The following RSU1 variants were observed in gnomAD, a reference collection of about 807,000 sequenced individuals.
The protein encoded by RSU1 is Ras suppressor protein 1.
RSU1 carries 26 observed loss-of-function variants against 31.1 expected under a neutral mutation model. The ratio of observed to expected loss-of-function variants is 0.84; its 90% CI spans 0.61 to 1.16. The LOEUF (loss-of-function observed/expected upper bound fraction) is 1.16, where lower values mean the gene tolerates loss of function less well. Ranked by LOEUF, RSU1 falls within the 50% of genes most tolerant of loss-of-function variation. The pLI is 0.00. For synonymous variants in RSU1, 164 were observed against 136.3 expected (o/e 1.20, Z -1.41); for missense variants, 320 against 339.1 (o/e 0.94, Z 0.44).
At chr10:16,793,877 T>C (rs1242613701) in intron 2 of RSU1, among the ~76,000 whole-genome samples, 1 of 150,992 alleles carries the variant, frequency 6.6e-6, no homozygotes, top group Non-Finnish European at 1.5e-5. Context: ...GCTGGTAAAA[T>C]GTTCTTTTCC....
chr10:16,733,664 G>T (rs10795424), intron 7 of RSU1, among the ~76,000 whole-genome samples: 65,467 of 152,026 alleles, frequency 0.43, 14,626 homozygotes, highest in East Asian at 0.68. Context: ...CTATAACACG[G>T]ACCCAAAAAT....
intron 2 of RSU1, among the ~76,000 whole-genome samples, chr10:16,807,625 G>A (rs1307487396): frequency 6.6e-6 from 1 of 152,184 alleles, no homozygotes; most frequent in East Asian, 1.9e-4. Context: ...TGCTTCTTAT[G>A]TTTTCTTCAA....
At chr10:16,776,071 A>G (rs1287317843) in intron 3 of RSU1, among the ~76,000 whole-genome samples, 2 of 152,240 alleles carry the variant, frequency 1.3e-5, no homozygotes, top group African/African-American at 2.4e-5. Flanking sequence ...GAAGGAGGGA[A>G]TAACTACAGA....
chr10:16,635,106 C>A (rs2063425790), intron 8 of RSU1, among the ~76,000 whole-genome samples: 1 of 152,204 alleles, frequency 6.6e-6, no homozygotes, highest in South Asian at 2.1e-4. Flanking sequence ...TAACAGCCTC[C>A]TACTGGAAAT....
intron 2 of RSU1, among the ~76,000 whole-genome samples, chr10:16,813,903 C>T (rs1002313364): frequency 1.3e-5 from 2 of 152,260 alleles, no homozygotes; most frequent in Non-Finnish European, 1.5e-5. Context: ...GGAAGGGCTG[C>T]GTTAGAAGAT....
At chr10:16,696,582 A>G (rs1236526687) in intron 7 of RSU1, among the ~76,000 whole-genome samples, 1 of 152,244 alleles carries the variant, frequency 6.6e-6, no homozygotes, top group Admixed American at 6.5e-5. Context: ...CAAAGCTACT[A>G]AGAATTTGTT....
chr10:16,771,605 C>CA (rs928308416), intron 3 of RSU1, among the ~76,000 whole-genome samples: 33 of 149,650 alleles, frequency 2.2e-4, no homozygotes, highest in East Asian at 7.8e-4. Context: ...CTTTATATGC[C>CA]AAAAAAAAAG....
At position 16,627,835 on chromosome 10, in the gene RSU1, C is replaced by T. The variant is rs1019571802; in HGVS notation, c.732-34339G>A. 4.6e-5 allele frequency among the ~76,000 whole-genome samples: 7 copies of T among 151,048 alleles called. No homozygotes were observed. In the South Asian group the frequency reaches 1.0e-3, roughly 23 times the overall value. On this transcript the variant is annotated intron_variant, in intron 8 of 8. Coordinates refer to ENST00000345264, the MANE Select transcript of RSU1 (RefSeq NM_012425.4). ...CGGAGTCCAGCACATATAGAAGCAA[C>T]TGCCTAAGAAATGTTGGCTTCTCTG...
chr10:16,812,960 G>A (rs1223053901), intron 2 of RSU1, among the ~76,000 whole-genome samples: 1 of 149,756 alleles, frequency 6.7e-6, no homozygotes, highest in African/African-American at 2.5e-5. Flanking sequence ...AATAAAATCA[G>A]CAGCATTACG....
At chr10:16,814,809 C>T (rs1026194413) in intron 2 of RSU1, among the ~76,000 whole-genome samples, 18 of 145,082 alleles carry the variant, frequency 1.2e-4, no homozygotes, top group African/African-American at 4.8e-4. Context: ...CAATGTTATA[C>T]CGGAAATATA....
intron 7 of RSU1, among the ~76,000 whole-genome samples, chr10:16,716,371 C>A (rs556397043): frequency 6.6e-6 from 1 of 152,126 alleles, no homozygotes; most frequent in Non-Finnish European, 1.5e-5. Context: ...GAAACGTCTA[C>A]ACTATTGCAG....
chr10:16,596,942 C>G (rs1833624555), intron 8 of RSU1, among the ~76,000 whole-genome samples: 1 of 152,184 alleles, frequency 6.6e-6, no homozygotes, highest in Non-Finnish European at 1.5e-5. Flanking sequence ...ATGCTGGTCT[C>G]AAACTCCTGA....
At chr10:16,790,386 C>A (rs1361667870) in intron 2 of RSU1, among the ~76,000 whole-genome samples, 3 of 152,160 alleles carry the variant, frequency 2.0e-5, no homozygotes, top group African/African-American at 4.8e-5. Flanking sequence ...ACTTACGGAA[C>A]AGAGAATATG....
intron 3 of RSU1, among the ~76,000 whole-genome samples, chr10:16,777,477 G>C (rs879936846): frequency 6.6e-6 from 1 of 152,128 alleles, no homozygotes; most frequent in Non-Finnish European, 1.5e-5. Context: ...CTTAAATGTG[G>C]TAAAAACTGC....
intron 8 of RSU1, among the ~76,000 whole-genome samples, chr10:16,676,346 G>A (rs947246140): frequency 6.6e-6 from 1 of 152,172 alleles, no homozygotes; most frequent in African/African-American, 2.4e-5. Context: ...TTACATGGTG[G>A]CAGGCAAGAG....
At chr10:16,631,907 A>T (rs1272273781) in intron 8 of RSU1, among the ~76,000 whole-genome samples, 2 of 152,210 alleles carry the variant, frequency 1.3e-5, no homozygotes, top group Non-Finnish European at 2.9e-5. Flanking sequence ...GGTCTCGGTC[A>T]TGGGGATGGG....
chr10:16,659,865 G>T (rs1319895344), intron 8 of RSU1, among the ~76,000 whole-genome samples: 1 of 152,170 alleles, frequency 6.6e-6, no homozygotes, highest in Non-Finnish European at 1.5e-5. Flanking sequence ...ATATGTATTA[G>T]TGCTGCTTGG....
chr10:16,676,903 C>T (rs2131544372), intron 8 of RSU1, among the ~76,000 whole-genome samples: 1 of 152,170 alleles, frequency 6.6e-6, no homozygotes, highest in African/African-American at 2.4e-5. Flanking sequence ...TAAGGGGTTG[C>T]TAAATTAGAA....
intron 8 of RSU1, among the ~76,000 whole-genome samples, chr10:16,639,428 T>C (rs2131499822): frequency 6.6e-6 from 1 of 152,338 alleles, no homozygotes; most frequent in Middle Eastern, 3.4e-3. Context: ...ATAAAGAACC[T>C]TTTATCTCTG....
Sources: gnomAD v4.1 joint callset for allele counts (sites outside exome capture counted in the v4.1 genomes callset) on GRCh38, gnomAD v4.1.1 for gene constraint, MANE v1.5 for transcripts, NCBI Gene and HGNC (gene_info 2026-07-23, HGNC 2026-07-21) for gene names.